The following MACF1 variants were observed in gnomAD, a reference collection of about 807,000 sequenced individuals.
MACF1 encodes the protein microtubule-actin cross-linking factor 1.
Under a neutral mutation model 854.8 loss-of-function variants are expected in MACF1, and 193 were observed. The observed-to-expected ratio is 0.23, with a 90% CI of 0.20 to 0.25. The LOEUF (loss-of-function observed/expected upper bound fraction) is 0.25, where lower values mean the gene tolerates loss of function less well. Ranked by LOEUF, MACF1 falls within the 10% of genes least tolerant of loss-of-function variation. The pLI, the probability that MACF1 is intolerant of heterozygous loss-of-function variation, is 1.00. For missense variants in MACF1, 7,722 were observed against 8,929.1 expected, an observed-to-expected ratio of 0.86 and a Z score of 5.45; for synonymous variants, 3,185 against 3,226.7, an observed-to-expected ratio of 0.99 and a Z score of 0.44.
chr1:39,330,760 T>A (rs1410847671), intron 36 of MACF1, among the ~76,000 whole-genome samples: 1 of 152,062 alleles, frequency 6.6e-6, no homozygotes, highest in African/African-American at 2.4e-5. Flanking sequence ...GCTTATCCCA[T>A]GCTGGGTTTT....
At chr1:39,203,940 CTT>C (rs1377650717), upstream of MACF1, among the ~76,000 whole-genome samples, 1 of 152,094 alleles carries the variant, frequency 6.6e-6, no homozygotes, top group Non-Finnish European at 1.5e-5. Flanking sequence ...ATACGTTTCT[CTT>C]TTTCTTGGAT....
At chr1:39,447,392 C>G (rs1484690868) in intron 80 of MACF1, 40 bp from the exon 81 acceptor site, 1 of 1,599,576 alleles carries the variant, frequency 6.3e-7, no homozygotes, top group South Asian at 1.1e-5. Flanking sequence ...GAAATTGGCG[C>G]TTTTTCTTTC....
chr1:39,194,129 G>A (rs1644288115), intron 2 of MACF1, among the ~76,000 whole-genome samples: 1 of 151,842 alleles, frequency 6.6e-6, no homozygotes, highest in East Asian at 1.9e-4. Context: ...CACCACACCT[G>A]GCCAAGAGTG....
chr1:39,397,481 G>T (rs185376781), intron 58 of MACF1, among the ~76,000 whole-genome samples: 127 of 151,938 alleles, frequency 8.4e-4, no homozygotes, highest in African/African-American at 2.8e-3. Context: ...AGAATTGCTT[G>T]AACCCGGGAG....
intron 58 of MACF1, among the ~76,000 whole-genome samples, chr1:39,408,381 C>T (rs964039161): frequency 6.6e-6 from 1 of 152,140 alleles, no homozygotes; most frequent in Non-Finnish European, 1.5e-5. Flanking sequence ...CGGGAAAGTG[C>T]CGGGTTTAAG....
chr1:39,247,541 A>G (rs1249257312), intron 2 of MACF1, among the ~76,000 whole-genome samples: 1 of 152,104 alleles, frequency 6.6e-6, no homozygotes, highest in East Asian at 1.9e-4. Flanking sequence ...GAAATACTGT[A>G]CATAATGGTG....
At chr1:39,196,811 T>C (rs1188872194) in intron 2 of MACF1, among the ~76,000 whole-genome samples, 1 of 152,216 alleles carries the variant, frequency 6.6e-6, no homozygotes. Flanking sequence ...CTTGTTTTGC[T>C]TGCAAACATT....
intron 1 of MACF1, among the ~76,000 whole-genome samples, chr1:39,220,484 T>TTC (rs1644638064): frequency 7.1e-6 from 1 of 140,104 alleles, no homozygotes. Flanking sequence ...TTAATGAATT[T>TTC]TTTTTTTTTT....
At chr1:39,338,532 A>G (rs1442159392) in intron 38 of MACF1, among the ~76,000 whole-genome samples, 1 of 152,236 alleles carries the variant, frequency 6.6e-6, no homozygotes, top group African/African-American at 2.4e-5. Flanking sequence ...TTAAGAAGCA[A>G]TTAGACCTTT....
chr1:39,479,016 G>A (rs944895125), intron 97 of MACF1, among the ~76,000 whole-genome samples: 4 of 152,164 alleles, frequency 2.6e-5, no homozygotes, highest in African/African-American at 7.2e-5. Flanking sequence ...TTGGCTGTGC[G>A]TGAGATCTTC....
At chr1:39,481,437 C>G (rs1034257980) in intron 99 of MACF1, among the ~76,000 whole-genome samples, 1 of 152,190 alleles carries the variant, frequency 6.6e-6, no homozygotes, top group Non-Finnish European at 1.5e-5. Flanking sequence ...TTGCTTAGAA[C>G]AGAAGAGTGG....
chr1:39,167,482 G>A (rs1010904638), intron 2 of MACF1, among the ~76,000 whole-genome samples: 23 of 151,714 alleles, frequency 1.5e-4, no homozygotes, highest in East Asian at 5.9e-4. Flanking sequence ...CGAGGTGAGC[G>A]GATCACCTGA....
Position 39,331,200 on chromosome 1 carries a change from T to TTA in MACF1, c.4615-3_4615-2insTA, listed in dbSNP as rs748692531. On this transcript the variant is annotated splice_polypyrimidine_tract_variant and splice_region_variant and intron_variant, in intron 36 of 100. Transcript: ENST00000564288. ...TTTTTTTTTTTTTTTTTTTTTTTTT[T>TTA]AGGAATGCAGAGCAGTTGCTGGGGT... The TTA allele has an allele frequency of 8.9e-7, 1 of 1,122,970 alleles. No individual in the cohort carries two copies. Among genetic ancestry groups the TTA allele is most frequent in the Admixed American group, 4.4e-5 (1 of 22,536 alleles). The allele number at this position is 1,122,970 out of a possible 1,614,324, so 69.6% of individuals were successfully genotyped here.
At chr1:39,321,547 A>G (rs1047852489) in intron 31 of MACF1, among the ~76,000 whole-genome samples, 3 of 152,244 alleles carry the variant, frequency 2.0e-5, no homozygotes, top group South Asian at 2.1e-4. Flanking sequence ...ATACTTGATT[A>G]TATGAGGAAA....
chr1:39,261,223 A>G lies in MACF1; in HGVS notation c.528+3195A>G, dbSNP rs948602908. 2.6e-5 allele frequency among the ~76,000 whole-genome samples: 4 copies of G among 152,116 alleles called. No individual in the cohort carries two copies. In the East Asian group the frequency reaches 7.7e-4, roughly 29 times the overall value. On this transcript the variant is annotated intron_variant, in intron 6 of 100. Transcript: ENST00000564288. ...TCCATCTCTGCTCCCTCCATTCTGT[A>G]TCTTCCCATTCTCTGTAGTTAGCTA... is the stretch of plus-strand genomic sequence containing the variant.
chr1:39,349,053 T>G (rs983090182), intron 41 of MACF1, among the ~76,000 whole-genome samples: 1 of 152,228 alleles, frequency 6.6e-6, no homozygotes, highest in African/African-American at 2.4e-5. Flanking sequence ...GATTTTTCTT[T>G]CTACTCCAAT....
chr1:39,397,548 G>A (rs957233265), intron 58 of MACF1, among the ~76,000 whole-genome samples: 16 of 149,566 alleles, frequency 1.1e-4, no homozygotes, highest in Admixed American at 4.0e-4. Context: ...GGCAACGAGC[G>A]AAACTTCGTT....
Position 39,346,958 on chromosome 1 carries a change from CT to C in MACF1, c.10582-14del. 2 of 1,553,440 alleles carry C rather than the reference CT, an allele frequency of 1.3e-6. No individual in the cohort carries two copies. Among genetic ancestry groups the C allele is most frequent in the Non-Finnish European group, 1.8e-6 (2 of 1,137,284 alleles). On this transcript the variant is annotated intron_variant, in intron 40 of 100. Transcript: ENST00000564288. Reference sequence around the variant, plus strand: ...ATCATGGTTTTTTGTGTTTTGTTTCCTTTTTCCATTTACCTTAGGATTTGAA... The same window carrying C: ...ATCATGGTTTTTTGTGTTTTGTTTCCTTTTCCATTTACCTTAGGATTTGAA...
chr1:39,254,212 C>G, intron 4 of MACF1, 86 bp from the exon 5 acceptor site: 1 of 1,132,940 alleles, frequency 8.8e-7, no homozygotes, highest in Non-Finnish European at 1.3e-6. Context: ...TTGTGTGGTC[C>G]TTTAGTCCTG....
Sources: allele counts gnomAD v4.1 joint callset (sites outside exome capture counted in the v4.1 genomes callset), GRCh38; gene constraint gnomAD v4.1.1; transcripts MANE v1.5; gene names NCBI Gene and HGNC (gene_info 2026-07-23, HGNC 2026-07-21).